LINS1: variants seen among roughly 807,000 people sequenced by gnomAD.
LINS1 encodes the protein lines homolog 1.
In LINS1, 27 loss-of-function variants were observed where a neutral mutation model predicts 41.6. That is an observed-to-expected ratio of 0.65 (90% CI 0.48 to 0.89). The LOEUF (loss-of-function observed/expected upper bound fraction) is 0.89, where lower values mean the gene tolerates loss of function less well. LINS1 is among the 40% of genes least tolerant of loss of function. The pLI is 0.00. For synonymous variants in LINS1, 336 were observed against 312.9 expected (o/e 1.07, Z -0.78); for missense variants, 955 against 884.1 (o/e 1.08, Z -1.02).
At chr15:100,584,194 A>G (rs2038694606) in intron 1 of LINS1, among the ~76,000 whole-genome samples, 1 of 152,242 alleles carries the variant, frequency 6.6e-6, no homozygotes, top group Admixed American at 6.5e-5. Flanking sequence ...ATTTTGTTTT[A>G]ATTACTATCA....
chr15:100,586,884 G>A (rs528957750), intron 1 of LINS1, among the ~76,000 whole-genome samples: 8 of 152,040 alleles, frequency 5.3e-5, no homozygotes, highest in Non-Finnish European at 1.0e-4. Context: ...AAATGTGGCC[G>A]GGTGCGGTGG....
chr15:100,593,326 G>A (rs1344698483), intron 1 of LINS1, among the ~76,000 whole-genome samples: 1 of 152,072 alleles, frequency 6.6e-6, no homozygotes, highest in Non-Finnish European at 1.5e-5. Flanking sequence ...TGGCCTAAGG[G>A]TTACCCATAT....
chr15:100,573,899 G>T lies in LINS1; in HGVS notation c.974C>A (p.Pro325Gln). The T allele has an allele frequency of 6.2e-7, 1 of 1,614,190 alleles. No homozygotes were observed. Among genetic ancestry groups the T allele is most frequent in the Non-Finnish European group, 8.5e-7 (1 of 1,180,040 alleles). The change falls in exon 5 of 7, where the codon CCG becomes CAG. Residue 325 changes from proline (P) to glutamine (Q), a missense_variant. Pro to Gln is a moderately conservative substitution (Grantham distance 76). Coordinates refer to ENST00000314742, the MANE Select transcript of LINS1 (RefSeq NM_001040616.3). The part of the protein sequence containing the change: ...LCRGSVPALM[P>Q]PDHHVAVDML... ...GTCCACCGCTACATGATGGTCTGGC[G>T]GCATTAAGGCAGGCACAGATCCACG...
chr15:100,575,701 C>T (rs140912160), intron 3 of LINS1, among the ~76,000 whole-genome samples: 40 of 152,102 alleles, frequency 2.6e-4, no homozygotes, highest in African/African-American at 9.2e-4. Flanking sequence ...AACTCTCCAA[C>T]CCAAATCAAC....
chr15:100,567,471 G>C lies in LINS1; in HGVS notation c.*1767C>G, dbSNP rs1192490486. ...ATACATATTTTATACATGCACAAAAGCATATATATGAATGTGTATTACTCC... is the reference window on the plus strand; with the variant it reads ...ATACATATTTTATACATGCACAAAACCATATATATGAATGTGTATTACTCC... On this transcript the variant is annotated 3_prime_UTR_variant, in exon 7 of 7. Coordinates refer to ENST00000314742, the MANE Select transcript of LINS1 (RefSeq NM_001040616.3). 1 of 152,138 alleles carries C rather than the reference G, an allele frequency of 6.6e-6. No individual in the cohort carries two copies. The highest frequency in any genetic ancestry group is 2.4e-5 in the African/African-American group (1 of 41,446). 9.4% of individuals were successfully genotyped at this position (152,138 alleles called of 1,614,324 possible).
chr15:100,577,994 T>C (rs1433932681), intron 3 of LINS1, among the ~76,000 whole-genome samples: 1 of 152,110 alleles, frequency 6.6e-6, no homozygotes, highest in Non-Finnish European at 1.5e-5. Context: ...AAACTGGATC[T>C]CTTCCTTATA....
intron 3 of LINS1, among the ~76,000 whole-genome samples, chr15:100,579,312 C>G (rs2038386859): frequency 6.6e-6 from 1 of 151,758 alleles, no homozygotes; most frequent in South Asian, 2.1e-4. Flanking sequence ...TAGACTATAA[C>G]AATTCAGATT....
intron 1 of LINS1, among the ~76,000 whole-genome samples, chr15:100,592,637 G>C (rs1466476100): frequency 1.3e-5 from 2 of 152,262 alleles, no homozygotes; most frequent in South Asian, 4.2e-4. Context: ...AAGCTGTCTT[G>C]AGCTGCTTCA....
intron 1 of LINS1, among the ~76,000 whole-genome samples, chr15:100,600,525 G>T (rs1596982671): frequency 8.6e-6 from 1 of 116,182 alleles, no homozygotes; most frequent in Admixed American, 9.9e-5. Context: ...TATTTTATTT[G>T]TTTACATTGG....
At chr15:100,584,214 C>T (rs2038695807) in intron 1 of LINS1, among the ~76,000 whole-genome samples, 2 of 152,326 alleles carry the variant, frequency 1.3e-5, no homozygotes, top group Admixed American at 1.3e-4. Context: ...ACATGCTCAA[C>T]TCTTTTAGTA....
intron 1 of LINS1, among the ~76,000 whole-genome samples, chr15:100,592,910 G>A (rs1294551229): frequency 6.6e-6 from 1 of 152,168 alleles, no homozygotes; most frequent in Non-Finnish European, 1.5e-5. Flanking sequence ...AAATGTCCGT[G>A]GGTAGCCCAT....
At chr15:100,593,912 A>G (rs565021004) in intron 1 of LINS1, among the ~76,000 whole-genome samples, 2 of 152,352 alleles carry the variant, frequency 1.3e-5, no homozygotes, top group Admixed American at 6.5e-5. Context: ...AATTTTTTCA[A>G]AAGATACTCA....
At chr15:100,581,300 C>T (rs1567089928) in intron 1 of LINS1, among the ~76,000 whole-genome samples, 1 of 152,136 alleles carries the variant, frequency 6.6e-6, no homozygotes, top group Non-Finnish European at 1.5e-5. Flanking sequence ...AGATGTTTGG[C>T]AGCATTCCTG....
intron 1 of LINS1, among the ~76,000 whole-genome samples, chr15:100,595,300 G>C (rs2141357474): frequency 6.6e-6 from 1 of 150,844 alleles, no homozygotes; most frequent in East Asian, 2.0e-4. Context: ...CACATGACTA[G>C]TACCTAGAAT....
At chr15:100,576,238 TG>T (rs1279191662) in intron 3 of LINS1, among the ~76,000 whole-genome samples, 4 of 152,140 alleles carry the variant, frequency 2.6e-5, no homozygotes, top group African/African-American at 9.7e-5. Flanking sequence ...ATCCAGGAGC[TG>T]GTTTTTTGAA....
At chr15:100,591,779 C>T (rs1440128083) in intron 1 of LINS1, among the ~76,000 whole-genome samples, 1 of 152,144 alleles carries the variant, frequency 6.6e-6, no homozygotes, top group African/African-American at 2.4e-5. Flanking sequence ...AAGGAGCTAC[C>T]CTGCCTCCAC....
Position 100,568,393 on chromosome 15 carries a change from G to A in LINS1, c.*845C>T, listed in dbSNP as rs2037630650. 6.6e-6 allele frequency: 1 copy of A among 152,206 alleles called. No individual in the cohort carries two copies. The allele number at this position is 152,206 out of a possible 1,614,324, so 9.4% of individuals were successfully genotyped here. On this transcript the variant is annotated 3_prime_UTR_variant, in exon 7 of 7. Transcript: ENST00000314742. Reference sequence around the variant, plus strand: ...CAAGTTGAGATCATACTGGATGAGGGTAGGTCCTAGTCCAATGACCGATGT... The same window carrying A: ...CAAGTTGAGATCATACTGGATGAGGATAGGTCCTAGTCCAATGACCGATGT...
intron 3 of LINS1, chr15:100,576,814 A>C (rs187310622): frequency 4.6e-5 from 7 of 152,318 alleles, no homozygotes; most frequent in Admixed American, 2.6e-4. Flanking sequence ...GCACATCAAA[A>C]AGCTTATCCA....
chr15:100,576,357 C>T (rs924568570), intron 3 of LINS1, among the ~76,000 whole-genome samples: 4 of 152,154 alleles, frequency 2.6e-5, no homozygotes, highest in African/African-American at 9.7e-5. Context: ...CCACTGATTC[C>T]ATAGAAATAC....
Sources: gnomAD v4.1 joint callset for allele counts (sites outside exome capture counted in the v4.1 genomes callset) on GRCh38, gnomAD v4.1.1 for gene constraint, MANE v1.5 for transcripts, NCBI Gene and HGNC (gene_info 2026-07-23, HGNC 2026-07-21) for gene names.